PXDN: variants seen among roughly 807,000 people sequenced by gnomAD.
PXDN encodes peroxidasin homolog.
PXDN carries 77 observed loss-of-function variants against 140.3 expected under a neutral mutation model. The observed-to-expected ratio is 0.55, with a 90% confidence interval of 0.46 to 0.66. PXDN has a LOEUF of 0.66. Ranked by LOEUF, PXDN falls within the 30% of genes least tolerant of loss-of-function variation. The pLI, the probability that PXDN is intolerant of heterozygous loss-of-function variation, is 0.00. For synonymous variants in PXDN, 911 were observed against 857.4 expected, an observed-to-expected ratio of 1.06 and a Z score of -1.09; for missense variants, 1,838 against 2,039.5, an observed-to-expected ratio of 0.90 and a Z score of 1.90.
Position 1,648,779 on chromosome 2 carries a change from C to T in PXDN, c.3001G>A (p.Glu1001Lys), listed in dbSNP as rs1572123669. 1 of 1,604,422 alleles carries T rather than the reference C, an allele frequency of 6.2e-7. No individual in the cohort carries two copies. ...CAGTGCGGGTTCAGCTTGAGCAGCT[C>T]CGTGGCAATGCGGTTGTGCTCGCGG... ...WFREHNRIAT[E>K]LLKLNPHWDG... Residue 1001 changes from glutamate (E) to lysine (K), a missense_variant, in exon 17 of 23, where the codon GAG becomes AAG. Around this residue, in one of 5 missense-constraint regions of PXDN, gnomAD observed 850 missense variants for 894.1 expected, o/e 0.95. Coordinates refer to ENST00000252804, the MANE Select transcript of PXDN (RefSeq NM_012293.3). The surrounding 1 kb of genome is among the most constrained non-coding windows in gnomAD (Gnocchi z 8.9).
chr2:1,659,125 G>A (rs145762730), intron 14 of PXDN, among the ~76,000 whole-genome samples: 254 of 152,320 alleles, frequency 1.7e-3, no homozygotes, highest in African/African-American at 5.3e-3. Flanking sequence ...GGGCCAACCC[G>A]AGGGCCCTTC....
intron 9 of PXDN, among the ~76,000 whole-genome samples, chr2:1,669,476 T>A (rs1323097295): frequency 6.6e-6 from 1 of 152,172 alleles, no homozygotes; most frequent in Non-Finnish European, 1.5e-5. Context: ...AATTTAAAAA[T>A]ATATATATTC....
intron 14 of PXDN, among the ~76,000 whole-genome samples, chr2:1,657,870 C>CT (rs1683184333): frequency 6.8e-6 from 1 of 146,688 alleles, no homozygotes; most frequent in African/African-American, 2.7e-5. Flanking sequence ...CAAGGACGTG[C>CT]CCCCTCCTGA....
intron 3 of PXDN, among the ~76,000 whole-genome samples, chr2:1,688,798 G>A (rs1334354794): frequency 4.0e-5 from 6 of 149,056 alleles, no homozygotes; most frequent in East Asian, 3.9e-4. Context: ...TCACCTACTC[G>A]TTCCACTAAA....
intron 1 of PXDN, among the ~76,000 whole-genome samples, chr2:1,723,575 CGGAT>C (rs1405665875): frequency 1.3e-5 from 2 of 151,288 alleles, no homozygotes; most frequent in Non-Finnish European, 2.9e-5. Flanking sequence ...GACTAATGAA[CGGAT>C]GGATGGATGG....
chr2:1,668,456 T>A (rs1368795014), intron 9 of PXDN, among the ~76,000 whole-genome samples: 1 of 152,094 alleles, frequency 6.6e-6, no homozygotes, highest in East Asian at 1.9e-4. Context: ...ACAAATGGAA[T>A]CTAATTACAC....
rs956548540 is a variant in PXDN, at chr2:1,673,581, A to G, written c.1018+62T>C. ...TATTTTGGGGTGCAAGGAAAGGAGA[A>G]GGCAGATAGTGAGGGACGACAATTC... On this transcript the variant is annotated intron_variant, in intron 9 of 22. Coordinates refer to ENST00000252804, the MANE Select transcript of PXDN (RefSeq NM_012293.3). 1.8e-5 allele frequency: 28 copies of G among 1,536,248 alleles called. No individual in the cohort carries two copies. In the African/African-American group the frequency reaches 3.8e-4, roughly 21 times the overall value.
At chr2:1,638,423 G>A (rs955572226) in intron 21 of PXDN, among the ~76,000 whole-genome samples, 2 of 152,164 alleles carry the variant, frequency 1.3e-5, no homozygotes, top group Admixed American at 6.5e-5. Flanking sequence ...CACACCCGGA[G>A]AGGCTGGATC....
intron 14 of PXDN, among the ~76,000 whole-genome samples, chr2:1,657,518 C>T (rs1302817754): frequency 6.6e-6 from 1 of 151,928 alleles, no homozygotes; most frequent in East Asian, 2.0e-4. Context: ...CTAGGACGTC[C>T]CCCTCCTGAC....
rs905828452 is a variant in PXDN at position 1,687,936 on chromosome 2, G to A, written c.345-233C>T. ...CAACTGAAGGTGATCAAACCACTGCGACGGGTTTTTCAGGCAACTCACAGA... is the reference window on the plus strand; with the variant it reads ...CAACTGAAGGTGATCAAACCACTGCAACGGGTTTTTCAGGCAACTCACAGA... On this transcript the variant is annotated intron_variant, in intron 3 of 22. Coordinates refer to ENST00000252804, the MANE Select transcript of PXDN (RefSeq NM_012293.3). The surrounding 1 kb of genome is among the most constrained non-coding windows in gnomAD (Gnocchi z 4.0). Among the ~76,000 whole-genome samples the A allele has an allele frequency of 7.9e-5, 12 of 152,292 alleles. No individual in the cohort carries two copies. Among genetic ancestry groups the A allele is most frequent in the Admixed American group, 2.0e-4 (3 of 15,296 alleles).
intron 1 of PXDN, among the ~76,000 whole-genome samples, chr2:1,705,614 C>A (rs1236904870): frequency 1.4e-5 from 2 of 146,464 alleles, no homozygotes; most frequent in Admixed American, 6.8e-5. Context: ...CGGCTCCCCA[C>A]GACCTGGGAC....
At chr2:1,644,106 A>C (rs1682796109) in intron 18 of PXDN, among the ~76,000 whole-genome samples, 2 of 148,404 alleles carry the variant, frequency 1.3e-5, no homozygotes, top group South Asian at 2.2e-4. Flanking sequence ...AAAGAACGAC[A>C]GTGTTAGCTC....
intron 1 of PXDN, among the ~76,000 whole-genome samples, chr2:1,694,073 A>T (rs943686699): frequency 1.3e-5 from 2 of 152,188 alleles, no homozygotes; most frequent in African/African-American, 4.8e-5. Context: ...AAACAGAAAG[A>T]CCAATTTCTT....
intron 1 of PXDN, among the ~76,000 whole-genome samples, chr2:1,735,262 A>AC (rs926498276): frequency 4.6e-4 from 70 of 151,814 alleles, no homozygotes; most frequent in African/African-American, 6.5e-4. Flanking sequence ...TGATGTTTTG[A>AC]CCCCCCCATG....
intron 9 of PXDN, 125 bp downstream of exon 9, chr2:1,673,518 G>C: frequency 7.7e-7 from 1 of 1,298,712 alleles, no homozygotes. Flanking sequence ...GCCAACCCTG[G>C]TACTGGAGCT....
In PXDN at chr2:1,684,109, C is replaced by A. The variant is rs761746811; in HGVS notation, c.459G>T (p.Ser153=). Residue 153 remains serine, a synonymous_variant, in exon 5 of 23, where the codon TCG becomes TCT. Coordinates refer to ENST00000252804, the MANE Select transcript of PXDN (RefSeq NM_012293.3). ...TCTCGAGCTTCGGGAGATGCTGGAA[C>A]GAATCTGGGTCCAAAGTTTCTATCT... The part of the protein sequence containing the change: ...FNQIETLDPD[S]FQHLPKLERL... The A allele has an allele frequency of 1.9e-6, 3 of 1,587,904 alleles. No homozygotes were observed. The highest frequency in any genetic ancestry group is 8.6e-7 in the Non-Finnish European group (1 of 1,166,586).
intron 1 of PXDN, among the ~76,000 whole-genome samples, chr2:1,720,147 G>C (rs1405986900): frequency 1.2e-5 from 1 of 82,658 alleles, no homozygotes; most frequent in African/African-American, 5.1e-5. Flanking sequence ...AGAATGCAGA[G>C]AGAGAGAGAG....
At chr2:1,655,401 A>G (rs111877845) in intron 14 of PXDN, among the ~76,000 whole-genome samples, 7,598 of 151,858 alleles carry the variant, frequency 0.05, 574 homozygotes, top group African/African-American at 0.17. Context: ...CACACCACAC[A>G]CATCACATTA....
rs1255970743 is a variant in PXDN, at chr2:1,666,352, C to G, written c.1153G>C (p.Val385Leu). ...WTRGDRTPLP[V>L]DPRVNITPSG... ...GGCGTGATGTTCACCCGCGGGTCAA[C>G]TGGCAAGGGTGTGCGGTCACCTCTC... The change falls in exon 10 of 23, where the codon GTT becomes CTT. Residue 385 changes from valine to leucine, a missense_variant. Coordinates refer to ENST00000252804, the MANE Select transcript of PXDN (RefSeq NM_012293.3). 1 of 1,613,994 alleles carries G rather than the reference C, an allele frequency of 6.2e-7. No homozygotes were observed. The highest frequency in any genetic ancestry group is 1.1e-5 in the South Asian group (1 of 91,072).
Sources: allele counts gnomAD v4.1 joint callset (sites outside exome capture counted in the v4.1 genomes callset), GRCh38; gene constraint gnomAD v4.1.1; regional missense constraint gnomAD v4.1.1; non-coding constraint Gnocchi (gnomAD v3.1); transcripts MANE v1.5; gene names NCBI Gene and HGNC (gene_info 2026-07-23, HGNC 2026-07-21).